The following CALN1 variants were observed in gnomAD, a reference collection of about 807,000 sequenced individuals.
CALN1 encodes the protein calneuron 1.
Under a neutral mutation model 30.6 loss-of-function variants are expected in CALN1, and 17 were observed. The ratio of observed to expected loss-of-function variants is 0.56; its 90% CI spans 0.38 to 0.83. CALN1 has a LOEUF of 0.83. Ranked by LOEUF, CALN1 falls within the 40% of genes least tolerant of loss-of-function variation. The pLI is 0.00. For synonymous variants in CALN1, 156 were observed against 131.4 expected (o/e 1.19, Z -1.28); for missense variants, 291 against 354.9 (o/e 0.82, Z 1.45).
At chr7:71,908,051 A>G (rs1378287878) in intron 5 of CALN1, among the ~76,000 whole-genome samples, 1 of 152,180 alleles carries the variant, frequency 6.6e-6, no homozygotes, top group East Asian at 1.9e-4. Flanking sequence ...CTTTCGGGTT[A>G]TTGCTCCAAT....
chr7:72,387,428 A>G (rs1208021168), intron 2 of CALN1, among the ~76,000 whole-genome samples: 2 of 152,186 alleles, frequency 1.3e-5, no homozygotes, highest in South Asian at 2.1e-4. Context: ...CAAAGGATAC[A>G]GTACGGAAAG....
At chr7:72,361,419 T>C (rs1803562745) in intron 2 of CALN1, among the ~76,000 whole-genome samples, 1 of 152,124 alleles carries the variant, frequency 6.6e-6, no homozygotes, top group Non-Finnish European at 1.5e-5. Flanking sequence ...GGCAGGAGCA[T>C]CGCTTGAACC....
intron 3 of CALN1, among the ~76,000 whole-genome samples, chr7:72,168,555 G>C (rs1185184212): frequency 6.6e-6 from 1 of 152,114 alleles, no homozygotes; most frequent in African/African-American, 2.4e-5. Context: ...TGTGAAGCTA[G>C]ACGTGGCACC....
Position 72,151,910 on chromosome 7 carries a change from CTTTTTTT to C in CALN1, c.245-45623_245-45617del, listed in dbSNP as rs369752622. On this transcript the variant is annotated intron_variant, in intron 3 of 6. Transcript: ENST00000395275. The stretch of plus-strand genomic sequence containing the variant: ...TTTTTATTTTTATTTTTATTCTTTT[CTTTTTTT>C]TTTTTTTTCAAGACAGAATCTCGCT... Among the ~76,000 whole-genome samples, 198 of 132,890 alleles carry C rather than the reference CTTTTTTT, an allele frequency of 1.5e-3. 1 individual carries two copies. The highest frequency in any genetic ancestry group is 5.5e-3 in the African/African-American group (196 of 35,926). The allele number at this position is 132,890 out of a possible 152,430, so 87.2% of individuals were successfully genotyped here. A position where few individuals can be genotyped will look rare whatever the true frequency, so the allele number is the denominator to read the frequency against.
chr7:72,165,037 C>G (rs1295807870), intron 3 of CALN1, among the ~76,000 whole-genome samples: 1 of 152,096 alleles, frequency 6.6e-6, no homozygotes, highest in Non-Finnish European at 1.5e-5. Context: ...ATACATTTAC[C>G]AAATTCATCA....
chr7:71,832,065 A>AGG (rs1445380131), intron 5 of CALN1, among the ~76,000 whole-genome samples: 1 of 152,038 alleles, frequency 6.6e-6, no homozygotes, highest in Non-Finnish European at 1.5e-5. Context: ...TCCAGGTGGG[A>AGG]GGCTGATGTT....
At chr7:71,905,927 C>T (rs956905357) in intron 5 of CALN1, among the ~76,000 whole-genome samples, 1 of 152,078 alleles carries the variant, frequency 6.6e-6, no homozygotes, top group African/African-American at 2.4e-5. Context: ...GGTGAAGAAG[C>T]AAGCACCTTC....
At chr7:71,935,567 A>G (rs1463667664) in intron 5 of CALN1, among the ~76,000 whole-genome samples, 2 of 152,134 alleles carry the variant, frequency 1.3e-5, no homozygotes, top group Non-Finnish European at 2.9e-5. Context: ...TACTAAAAAT[A>G]CCAAATTAGC....
intron 5 of CALN1, among the ~76,000 whole-genome samples, chr7:71,842,695 G>A (rs1462031953): frequency 6.6e-6 from 1 of 152,152 alleles, no homozygotes; most frequent in Non-Finnish European, 1.5e-5. Context: ...AATACACTTA[G>A]TGAGGCAAAA....
chr7:72,094,612 T>A (rs758417944), intron 4 of CALN1, among the ~76,000 whole-genome samples: 3 of 152,152 alleles, frequency 2.0e-5, no homozygotes, highest in Non-Finnish European at 4.4e-5. Flanking sequence ...ATAGTCTAGT[T>A]AGTCATTGGC....
intron 3 of CALN1, among the ~76,000 whole-genome samples, chr7:72,271,514 G>A (rs1203879557): frequency 5.1e-5 from 7 of 137,858 alleles, no homozygotes; most frequent in East Asian, 4.3e-4. Flanking sequence ...CTCCCTCCTC[G>A]GCCTCATGAG....
intron 5 of CALN1, among the ~76,000 whole-genome samples, chr7:71,963,721 A>G (rs1371241367): frequency 6.6e-6 from 1 of 151,720 alleles, no homozygotes; most frequent in Admixed American, 6.6e-5. Context: ...ATACTGATAC[A>G]TGTACTGCAA....
intron 5 of CALN1, among the ~76,000 whole-genome samples, chr7:71,840,913 G>A (rs997520233): frequency 6.6e-6 from 1 of 151,756 alleles, no homozygotes; most frequent in Non-Finnish European, 1.5e-5. Flanking sequence ...ATATGTGGGT[G>A]TGTGTTTTAA....
In CALN1 at chr7:72,106,257, C is replaced by T; in HGVS notation, c.282G>A (p.Gly94=). 2 of 1,614,060 alleles carry T rather than the reference C, an allele frequency of 1.2e-6. No individual in the cohort carries two copies. The highest frequency in any genetic ancestry group is 1.7e-5 in the Admixed American group (1 of 60,006). The part of the protein sequence containing the change: ...REAFRVLDRD[G]NGFISKQELG... ...GCTCCTGCTTGGAGATGAAGCCGTT[C>T]CCATCCCGGTCCAGAACCCGAAAGG... Residue 94 remains glycine, a synonymous_variant, in exon 4 of 7, where the codon GGG becomes GGA. Transcript: ENST00000395275.
chr7:72,359,833 C>T (rs769247523), intron 2 of CALN1, among the ~76,000 whole-genome samples: 9 of 151,858 alleles, frequency 5.9e-5, no homozygotes, highest in Non-Finnish European at 1.3e-4. Flanking sequence ...AAAAATTAGC[C>T]GGACGTGGTG....
intron 2 of CALN1, among the ~76,000 whole-genome samples, chr7:72,321,999 C>T (rs779897838): frequency 6.6e-6 from 1 of 152,082 alleles, no homozygotes; most frequent in East Asian, 1.9e-4. Flanking sequence ...TCCCATGGAC[C>T]GGGGGCAGGA....
At chr7:72,420,521 GGTCATGAGA>G (rs1807570547) in intron 1 of CALN1, among the ~76,000 whole-genome samples, 1 of 151,740 alleles carries the variant, frequency 6.6e-6, no homozygotes, top group Non-Finnish European at 1.5e-5. Flanking sequence ...ACCTGTTTCA[GGTCATGAGA>G]AATCACCTTT....
intron 5 of CALN1, among the ~76,000 whole-genome samples, chr7:71,857,993 A>C (rs974151462): frequency 1.3e-5 from 2 of 152,194 alleles, no homozygotes; most frequent in Non-Finnish European, 2.9e-5. Flanking sequence ...AAATGTCACA[A>C]AAGATGTGCA....
chr7:72,010,516 T>A (rs984142707), intron 5 of CALN1, among the ~76,000 whole-genome samples: 13 of 152,108 alleles, frequency 8.5e-5, no homozygotes, highest in Non-Finnish European at 1.6e-4. Flanking sequence ...TAGAAACATT[T>A]AATGAAAAAT....
Sources: gnomAD v4.1 joint callset for allele counts (sites outside exome capture counted in the v4.1 genomes callset) on GRCh38, gnomAD v4.1.1 for gene constraint, MANE v1.5 for transcripts, NCBI Gene and HGNC (gene_info 2026-07-23, HGNC 2026-07-21) for gene names.